Variants in CBFB observed in about 807,000 individuals in gnomAD.
CBFB encodes the protein CBF-beta.
In CBFB, 9 loss-of-function variants were observed where a neutral mutation model predicts 30.4. The ratio of observed to expected loss-of-function variants is 0.30; its 90% CI spans 0.18 to 0.52. The LOEUF (loss-of-function observed/expected upper bound fraction) is 0.52, where lower values mean the gene tolerates loss of function less well. Ranked by LOEUF, CBFB falls within the 20% of genes least tolerant of loss-of-function variation. CBFB has a pLI of 0.97. For missense variants in CBFB, 170 were observed against 244.0 expected, an observed-to-expected ratio of 0.70 and a Z score of 2.02; for synonymous variants, 94 against 84.0, an observed-to-expected ratio of 1.12 and a Z score of -0.65.
chr16:67,055,482 C>T (rs1481462175), intron 3 of CBFB, among the ~76,000 whole-genome samples: 2 of 150,280 alleles, frequency 1.3e-5, no homozygotes, highest in African/African-American at 4.9e-5. Context: ...TCTCCTGCCT[C>T]AGCCTACTGA....
intron 5 of CBFB, among the ~76,000 whole-genome samples, chr16:67,090,816 CAT>C (rs1439380733): frequency 6.6e-6 from 1 of 152,124 alleles, no homozygotes; most frequent in African/African-American, 2.4e-5. Context: ...CAATTCAAAT[CAT>C]AGAATTTTAT....
chr16:67,057,949 C>T (rs1004616357), intron 3 of CBFB, among the ~76,000 whole-genome samples: 4 of 152,180 alleles, frequency 2.6e-5, no homozygotes, highest in African/African-American at 9.7e-5. Context: ...TACTCTTTCT[C>T]TAATTTCTCA....
At chr16:67,036,454 A>G (rs1966441375) in intron 2 of CBFB, 185 bp from the exon 3 acceptor site, 2 of 525,270 alleles carry the variant, frequency 3.8e-6, no homozygotes, top group Non-Finnish European at 6.8e-6. Context: ...AAATGTCCTC[A>G]AAATGGAATC....
At chr16:67,033,544 T>C (rs1170732254) in intron 2 of CBFB, among the ~76,000 whole-genome samples, 1 of 151,864 alleles carries the variant, frequency 6.6e-6, no homozygotes, top group Non-Finnish European at 1.5e-5. Flanking sequence ...GGTCTCCAAC[T>C]GCTGGCCTCA....
intron 5 of CBFB, among the ~76,000 whole-genome samples, chr16:67,088,549 C>T (rs1961791754): frequency 6.6e-6 from 1 of 152,196 alleles, no homozygotes; most frequent in South Asian, 2.1e-4. Context: ...TTAATTTCCA[C>T]ACCACCCGTA....
At chr16:67,045,500 G>C (rs989196361) in intron 3 of CBFB, among the ~76,000 whole-genome samples, 6 of 151,608 alleles carry the variant, frequency 4.0e-5, no homozygotes, top group Admixed American at 3.3e-4. Flanking sequence ...CTGGGCAACA[G>C]AGCAAGACTC....
At chr16:67,036,851 A>G (rs1346003629) in intron 3 of CBFB, 96 bp downstream of exon 3, 7 of 753,618 alleles carry the variant, frequency 9.3e-6, no homozygotes, top group Non-Finnish European at 1.4e-5. Flanking sequence ...AGATCTGATT[A>G]TACCAGCATA....
chr16:67,056,388 T>C (rs563710070), intron 3 of CBFB, among the ~76,000 whole-genome samples: 5 of 152,196 alleles, frequency 3.3e-5, no homozygotes, highest in Non-Finnish European at 7.3e-5. Context: ...AATTATGTAT[T>C]GATCAGTTGA....
At chr16:67,041,067 G>T (rs1966520242) in intron 3 of CBFB, among the ~76,000 whole-genome samples, 1 of 152,158 alleles carries the variant, frequency 6.6e-6, no homozygotes, top group South Asian at 2.1e-4. Context: ...AACCACATGG[G>T]CTTTTTATTC....
chr16:67,075,834 G>T (rs1406157350), intron 4 of CBFB, among the ~76,000 whole-genome samples: 1 of 152,194 alleles, frequency 6.6e-6, no homozygotes, highest in South Asian at 2.1e-4. Context: ...GAACAGGCCA[G>T]TTATGGTGCC....
intron 3 of CBFB, among the ~76,000 whole-genome samples, chr16:67,052,810 ATAAT>A (rs922595252): frequency 2.0e-5 from 3 of 152,012 alleles, no homozygotes; most frequent in Non-Finnish European, 4.4e-5. Context: ...AAAAAATAAA[ATAAT>A]TAGCCAGGTG....
At chr16:67,052,689 T>C (rs1960589141) in intron 3 of CBFB, among the ~76,000 whole-genome samples, 1 of 152,054 alleles carries the variant, frequency 6.6e-6, no homozygotes, top group South Asian at 2.1e-4. Flanking sequence ...TGGCCAGGTA[T>C]GGTGGCTCAC....
rs182597059 is a variant in CBFB at position 67,090,968 on chromosome 16, A to C, written c.496-7742A>C. On this transcript the variant is annotated intron_variant, in intron 5 of 5. Transcript: ENST00000412916. ...CTCTATTTATTTTAAATTTCCGAAG[A>C]CTTCAGTTTTCAAATTATTTAACTC... 9.9e-5 allele frequency among the ~76,000 whole-genome samples: 15 copies of C among 152,174 alleles called. 1 individual carries two copies. The highest frequency in any genetic ancestry group is 9.8e-4 in the Admixed American group (15 of 15,276).
intron 3 of CBFB, among the ~76,000 whole-genome samples, chr16:67,061,618 C>G (rs182373210): frequency 6.6e-6 from 1 of 152,270 alleles, no homozygotes; most frequent in East Asian, 1.9e-4. Flanking sequence ...CAAACATTTA[C>G]TTTGAAGATG....
intron 5 of CBFB, among the ~76,000 whole-genome samples, chr16:67,095,115 C>T (rs1332832558): frequency 7.0e-6 from 1 of 143,134 alleles, no homozygotes; most frequent in African/African-American, 2.6e-5. Flanking sequence ...GAGGCTGAGG[C>T]ACGAGAATTG....
At chr16:67,033,613 C>A (rs1202883894) in intron 2 of CBFB, among the ~76,000 whole-genome samples, 1 of 139,636 alleles carries the variant, frequency 7.2e-6, no homozygotes, top group Non-Finnish European at 1.6e-5. Context: ...CTTATCAATT[C>A]TTTTTTTTTT....
Position 67,092,048 on chromosome 16 carries a change from TCTCC to T in CBFB, c.496-6656_496-6653del, listed in dbSNP as rs558377913. Among the ~76,000 whole-genome samples the T allele has an allele frequency of 5.7e-3, 865 of 152,174 alleles. 3 individuals carry two copies. The highest frequency in any genetic ancestry group is 0.019 in the African/African-American group (808 of 41,514). On this transcript the variant is annotated intron_variant, in intron 5 of 5. Coordinates refer to ENST00000412916, the MANE Select transcript of CBFB (RefSeq NM_022845.3). ...ATGCATTAGGTATTTTTCCTAATGC[TCTCC>T]CTCCCCTTCCCCCCTACCCCTTGAC...
chr16:67,042,276 C>T (rs533698786), intron 3 of CBFB, among the ~76,000 whole-genome samples: 1 of 152,088 alleles, frequency 6.6e-6, no homozygotes, highest in Non-Finnish European at 1.5e-5. Flanking sequence ...CTGCCTCTGT[C>T]TCTTGACTGA....
chr16:67,075,189 C>A (rs1430372083), intron 4 of CBFB, among the ~76,000 whole-genome samples: 4 of 100,026 alleles, frequency 4.0e-5, no homozygotes, highest in Admixed American at 1.2e-4. Context: ...GATTCTATCT[C>A]AAAAAAAATG....
Sources: gnomAD v4.1 joint callset for allele counts (sites outside exome capture counted in the v4.1 genomes callset) on GRCh38, gnomAD v4.1.1 for gene constraint, MANE v1.5 for transcripts, NCBI Gene and HGNC (gene_info 2026-07-23, HGNC 2026-07-21) for gene names.